The following TLL2 variants were observed in gnomAD, a reference collection of about 807,000 sequenced individuals.
The protein encoded by TLL2 is tolloid like 2, also known as tolloid-like protein 2.
In TLL2, 106 loss-of-function variants were observed where a neutral mutation model predicts 123.0. The observed-to-expected ratio is 0.86, with a 90% CI of 0.74 to 1.01. The LOEUF (loss-of-function observed/expected upper bound fraction) is 1.01. TLL2 is among the 50% of genes least tolerant of loss of function. TLL2 has a pLI of 0.00. For synonymous variants in TLL2, 494 were observed against 516.8 expected, an observed-to-expected ratio of 0.96 and a Z score of 0.60; for missense variants, 1,332 against 1,336.7, an observed-to-expected ratio of 1.00 and a Z score of 0.06.
chr10:96,448,164 T>G (rs1262519182), intron 2 of TLL2, among the ~76,000 whole-genome samples: 1 of 152,218 alleles, frequency 6.6e-6, no homozygotes, highest in East Asian at 1.9e-4. Context: ...GCTCCGCGCC[T>G]GCATCCTGCT....
At chr10:96,417,513 G>A (rs1846574492) in intron 7 of TLL2, among the ~76,000 whole-genome samples, 1 of 152,210 alleles carries the variant, frequency 6.6e-6, no homozygotes, top group South Asian at 2.1e-4. Context: ...AAGAGGTGGA[G>A]TCTATTTCTC....
intron 18 of TLL2, among the ~76,000 whole-genome samples, chr10:96,374,956 A>C (rs1197375372): frequency 4.2e-5 from 2 of 47,948 alleles, no homozygotes; most frequent in African/African-American, 1.7e-4. Context: ...ACAGGACATT[A>C]GTTGCGGGGG....
Position 96,368,173 on chromosome 10 carries a change from C to A in TLL2, c.2963G>T (p.Arg988Leu), listed in dbSNP as rs372646234. 1 of 1,614,136 alleles carries A rather than the reference C, an allele frequency of 6.2e-7. No homozygotes were observed. The highest frequency in any genetic ancestry group is 2.2e-5 in the East Asian group (1 of 44,888). Reference protein sequence around the residue: ...SAGDSLMIRFRTDDTINKKGF... With the variant: ...SAGDSLMIRFLTDDTINKKGF... Reference sequence around the variant, plus strand: ...TTTCTTGTTGATGGTGTCATCTGTGCGGAATCGAATCATCAGGGAATCACC... The same window carrying A: ...TTTCTTGTTGATGGTGTCATCTGTGAGGAATCGAATCATCAGGGAATCACC... Residue 988 changes from arginine to leucine, a missense_variant, in exon 21 of 21, where the codon CGC becomes CTC. By Grantham distance (102) the Arg-to-Leu change is moderately radical (BLOSUM62 -2). Coordinates refer to ENST00000357947, the MANE Select transcript of TLL2 (RefSeq NM_012465.4).
intron 1 of TLL2, among the ~76,000 whole-genome samples, chr10:96,480,922 C>T (rs1264057938): frequency 1.3e-5 from 2 of 152,218 alleles, no homozygotes; most frequent in African/African-American, 4.8e-5. Flanking sequence ...ACAGCCTGCT[C>T]TAATTCAGTG....
intron 3 of TLL2, among the ~76,000 whole-genome samples, chr10:96,443,795 G>A (rs960805695): frequency 6.6e-6 from 1 of 152,216 alleles, no homozygotes; most frequent in Non-Finnish European, 1.5e-5. Context: ...AGTACCAGAT[G>A]TCTGGGGAGC....
rs745875868 is a variant in TLL2 at position 96,384,633 on chromosome 10, G to A, written c.2148C>T (p.Ser716=). Residue 716 remains serine (S), a synonymous_variant, in exon 16 of 21, where the codon TCC becomes TCT. Transcript: ENST00000357947. ...AGCCGCGCTTGGAGACGGTGTTGTC[G>A]GACTTGAACTCCACGCGCATGTTGT... The part of the protein sequence containing the change: ...QSNNMRVEFK[S]DNTVSKRGFR... 3.7e-6 allele frequency: 6 copies of A among 1,608,472 alleles called. No homozygotes were observed. The highest frequency in any genetic ancestry group is 3.3e-5 in the South Asian group (3 of 90,384).
chr10:96,431,336 A>T (rs551206609), intron 4 of TLL2, among the ~76,000 whole-genome samples: 1 of 152,206 alleles, frequency 6.6e-6, no homozygotes, highest in Non-Finnish European at 1.5e-5. Context: ...TGCGGGAGCG[A>T]AAGGGAACTG....
intron 7 of TLL2, among the ~76,000 whole-genome samples, chr10:96,416,834 ATTGACATTC>A: frequency 6.6e-6 from 1 of 152,318 alleles, no homozygotes; most frequent in Non-Finnish European, 1.5e-5. Context: ...AACTCTTAGC[ATTGACATTC>A]TGCTAAACTA....
intron 1 of TLL2, among the ~76,000 whole-genome samples, chr10:96,504,802 T>G (rs186321613): frequency 6.6e-6 from 1 of 152,278 alleles, no homozygotes; most frequent in African/African-American, 2.4e-5. Context: ...GTCAGGAGAT[T>G]GAGACCATCC....
chr10:96,490,988 C>A (rs1336239837), intron 1 of TLL2, among the ~76,000 whole-genome samples: 1 of 152,208 alleles, frequency 6.6e-6, no homozygotes, highest in Non-Finnish European at 1.5e-5. Context: ...GGCTCCCCTC[C>A]ACCTCTCTGT....
intron 13 of TLL2, among the ~76,000 whole-genome samples, chr10:96,388,559 C>T (rs139779677): frequency 1.2e-4 from 19 of 152,346 alleles, no homozygotes; most frequent in African/African-American, 4.6e-4. Context: ...GGAGAGATGG[C>T]TCTTCAGACC....
intron 2 of TLL2, among the ~76,000 whole-genome samples, chr10:96,471,715 G>A (rs1370202098): frequency 5.3e-5 from 8 of 152,116 alleles, no homozygotes; most frequent in Admixed American, 1.3e-4. Context: ...AGCCAGAGAC[G>A]CAAACTCAGG....
chr10:96,459,693 AAAAAAAAAAAAAATATAT>A (rs1318001624), intron 2 of TLL2, among the ~76,000 whole-genome samples: 1 of 58,660 alleles, frequency 1.7e-5, no homozygotes, highest in East Asian at 4.3e-4. Flanking sequence ...AAAAAAAAAA[AAAAAAAAAAAAAATATAT>A]ATATATATAT....
At position 96,384,636 on chromosome 10, in the gene TLL2, C is replaced by T. The variant is rs1454582123; in HGVS notation, c.2145G>A (p.Lys715=). The T allele has an allele frequency of 1.2e-6, 2 of 1,610,976 alleles. No homozygotes were observed. Among genetic ancestry groups the T allele is most frequent in the Non-Finnish European group, 1.7e-6 (2 of 1,178,082 alleles). The change falls in exon 16 of 21, where the codon AAG becomes AAA. Residue 715 remains lysine (K), a synonymous_variant. Transcript: ENST00000357947. ...CGCGCTTGGAGACGGTGTTGTCGGA[C>T]TTGAACTCCACGCGCATGTTGTTGC... ...SQSNNMRVEF[K]SDNTVSKRGF...
At chr10:96,497,151 G>C (rs1275957210) in intron 1 of TLL2, among the ~76,000 whole-genome samples, 1 of 151,870 alleles carries the variant, frequency 6.6e-6, no homozygotes. Context: ...TTAGCCCAGC[G>C]TTGTGGTGCA....
chr10:96,472,374 T>C (rs1273432603), intron 2 of TLL2, among the ~76,000 whole-genome samples: 1 of 152,058 alleles, frequency 6.6e-6, no homozygotes, highest in Non-Finnish European at 1.5e-5. Flanking sequence ...ATAAAACTAG[T>C]GAAATGAGGA....
rs568787074 is a variant in TLL2 at position 96,436,857 on chromosome 10, T to C, written c.365-3895A>G. Among the ~76,000 whole-genome samples, 14 of 152,226 alleles carry C rather than the reference T, an allele frequency of 9.2e-5. 1 individual carries two copies. Among genetic ancestry groups the C allele is most frequent in the African/African-American group, 3.1e-4 (13 of 41,526 alleles). On this transcript the variant is annotated intron_variant, in intron 3 of 20. Transcript: ENST00000357947. ...TATGCCACCACCCCCGGCTAATTTT[T>C]ATACTTTTTGTAGAGAGTTGGTTTC...
At chr10:96,512,834 G>A (rs1262906158) in intron 1 of TLL2, among the ~76,000 whole-genome samples, 2 of 152,228 alleles carry the variant, frequency 1.3e-5, no homozygotes, top group Non-Finnish European at 2.9e-5. Context: ...TGCAGCGCCC[G>A]GGCGGCGATT....
intron 1 of TLL2, among the ~76,000 whole-genome samples, chr10:96,506,147 G>T (rs1454898760): frequency 6.6e-6 from 1 of 150,786 alleles, no homozygotes; most frequent in East Asian, 2.0e-4. Context: ...AGCTACTCAG[G>T]AGGCTGAGGC....
Sources: gnomAD v4.1 joint callset for allele counts (sites outside exome capture counted in the v4.1 genomes callset) on GRCh38, gnomAD v4.1.1 for gene constraint, MANE v1.5 for transcripts, NCBI Gene and HGNC (gene_info 2026-07-23, HGNC 2026-07-21) for gene names.